The following NLRP1 variants were observed in gnomAD, a reference collection of about 807,000 sequenced individuals.
The protein encoded by NLRP1 is NACHT, LRR and PYD domains-containing protein 1.
In NLRP1, 94 loss-of-function variants were observed where a neutral mutation model predicts 136.7. That is an observed-to-expected ratio of 0.69 (90% CI 0.58 to 0.82). The LOEUF (loss-of-function observed/expected upper bound fraction) is 0.82, where lower values mean the gene tolerates loss of function less well. Among genes scored for constraint, NLRP1 ranks in the 40% least tolerant of loss-of-function variants. The probability of loss-of-function intolerance (pLI) is 0.00; values close to 1 mark genes in which losing one functional copy is unlikely to be tolerated. For missense variants in NLRP1, 1,575 were observed against 1,802.7 expected (o/e 0.87, Z 2.29); for synonymous variants, 690 against 725.1 (o/e 0.95, Z 0.78).
intron 5 of NLRP1, among the ~76,000 whole-genome samples, chr17:5,547,787 G>A (rs529950140): frequency 4.6e-5 from 7 of 152,284 alleles, no homozygotes; most frequent in South Asian, 4.1e-4. Context: ...GTCACAGCAC[G>A]AGGCTGGGCT....
chr17:5,510,484 C>T (rs961451308), downstream of NLRP1, among the ~76,000 whole-genome samples: 9 of 151,970 alleles, frequency 5.9e-5, no homozygotes, highest in Admixed American at 3.9e-4. Context: ...CTCAGCCTCC[C>T]GAGTAGCTGG....
rs200246406 is a variant in NLRP1 at position 5,501,760 on chromosome 17, G to T, written c.*54C>A. 1.8e-5 allele frequency: 27 copies of T among 1,485,434 alleles called. No homozygotes were observed. The Admixed American group carries it at 2.0e-4, about 11-fold the overall frequency. 92.0% of individuals were successfully genotyped at this position (1,485,434 alleles called of 1,614,324 possible). A position where few individuals can be genotyped will look rare whatever the true frequency, so the allele number is the denominator to read the frequency against. The stretch of plus-strand genomic sequence containing the variant: ...ACCTGCGGTCTACTCAGGCCTCCTT[G>T]TCATCCACCAAGCCCTCTCTGGCTT... On this transcript the variant is annotated 3_prime_UTR_variant, in exon 16 of 16. Transcript: ENST00000262467.
intron 12 of NLRP1, among the ~76,000 whole-genome samples, chr17:5,524,203 T>C (rs573012649): frequency 9.6e-4 from 146 of 152,240 alleles, no homozygotes; most frequent in Non-Finnish European, 1.7e-3. Context: ...ATAACTATTC[T>C]TAGCATGGGA....
intron 6 of NLRP1, 91 bp from the exon 7 acceptor site, chr17:5,539,676 T>C: frequency 7.0e-7 from 1 of 1,427,820 alleles, no homozygotes; most frequent in East Asian, 2.6e-5. Context: ...TCAGCATCTG[T>C]GGCCTTTTGA....
At position 5,553,527 on chromosome 17, in the gene NLRP1, T is replaced by C. The variant is rs1913640508; in HGVS notation, c.2387A>G (p.Tyr796Cys). Residue 796 changes from tyrosine to cysteine, a missense_variant, in exon 5 of 17, where the codon TAT becomes TGT. By Grantham distance (194) the Tyr-to-Cys change is radical. Transcript: ENST00000572272. ...GAGGACGGAGAAGAGAATCTGCCAA[T>C]AGGCATCTGTGACTGGGACCCACCT... ...LFRWVPVTDA[Y>C]WQILFSVLKV... 6.2e-7 allele frequency: 1 copy of C among 1,614,094 alleles called. No individual in the cohort carries two copies. Among genetic ancestry groups the C allele is most frequent in the South Asian group, 1.1e-5 (1 of 91,072 alleles).
chr17:5,555,654 T>C (rs1235438040), intron 4 of NLRP1, among the ~76,000 whole-genome samples: 2 of 152,138 alleles, frequency 1.3e-5, no homozygotes, highest in African/African-American at 4.8e-5. Context: ...TCCAGGTCCT[T>C]TAAAGCCTAC....
intron 3 of NLRP1, among the ~76,000 whole-genome samples, chr17:5,560,931 A>G (rs752135244): frequency 1.4e-4 from 21 of 152,246 alleles, no homozygotes; most frequent in Non-Finnish European, 2.8e-4. Flanking sequence ...ATTGTTTCCC[A>G]GGGAGGGACC....
In NLRP1 at chr17:5,574,160, G is replaced by A. The variant is rs372639878; in HGVS notation, c.652+7699C>T. 1.2e-4 allele frequency among the ~76,000 whole-genome samples: 19 copies of A among 152,332 alleles called. No homozygotes were observed. The East Asian group carries it at 2.1e-3, about 17-fold the overall frequency. ...ATGGCACGAGAACTACGTGAAGAAT[G>A]CACAAGCTTCAGTAGCCAATTCGAT... On this transcript the variant is annotated intron_variant, in intron 3 of 16. Coordinates refer to ENST00000572272, the MANE Select transcript of NLRP1 (RefSeq NM_033004.4).
intron 8 of NLRP1, among the ~76,000 whole-genome samples, chr17:5,535,841 G>C (rs1910975590): frequency 6.6e-6 from 1 of 152,226 alleles, no homozygotes; most frequent in Non-Finnish European, 1.5e-5. Context: ...GAATGTGGGA[G>C]CTGCAGCAGA....
chr17:5,535,181 T>C (rs111957851), intron 8 of NLRP1, among the ~76,000 whole-genome samples: 8,460 of 151,812 alleles, frequency 0.056, 273 homozygotes, highest in Middle Eastern at 0.092. Context: ...GATCATGCCA[T>C]TGCACTCCAG....
At chr17:5,547,099 C>G (rs1912753980) in intron 5 of NLRP1, among the ~76,000 whole-genome samples, 2 of 152,140 alleles carry the variant, frequency 1.3e-5, no homozygotes, top group South Asian at 4.1e-4. Context: ...CTTAGGACAA[C>G]TTAGGCACTA....
chr17:5,554,834 C>G (rs113218987), intron 4 of NLRP1, among the ~76,000 whole-genome samples: 1 of 152,018 alleles, frequency 6.6e-6, no homozygotes, highest in African/African-American at 2.4e-5. Context: ...CCAGCCTGGG[C>G]AACATAGTAA....
At chr17:5,526,267 T>A (rs1388337175) in intron 12 of NLRP1, among the ~76,000 whole-genome samples, 1 of 152,190 alleles carries the variant, frequency 6.6e-6, no homozygotes, top group Non-Finnish European at 1.5e-5. Flanking sequence ...TGTGAGCCAC[T>A]GCACCCAGCC....
intron 15 of NLRP1, chr17:5,502,238 G>A: frequency 4.2e-6 from 1 of 235,512 alleles, no homozygotes; most frequent in Non-Finnish European, 8.7e-6. Context: ...GGCTGGATGA[G>A]GAGAAGATGG....
At chr17:5,582,464 C>A (rs960121149) in intron 2 of NLRP1, among the ~76,000 whole-genome samples, 2 of 152,170 alleles carry the variant, frequency 1.3e-5, no homozygotes, top group Non-Finnish European at 2.9e-5. Context: ...CCATCTGCCA[C>A]ATGGGGAGGG....
intron 14 of NLRP1, chr17:5,518,148 A>C (rs1597394035): frequency 3.1e-6 from 1 of 324,802 alleles, no homozygotes; most frequent in East Asian, 5.8e-5. Flanking sequence ...TTCTTCCTTC[A>C]CCTCCCCCAT....
At chr17:5,543,675 G>C (rs1057471569) in intron 5 of NLRP1, among the ~76,000 whole-genome samples, 4 of 149,308 alleles carry the variant, frequency 2.7e-5, no homozygotes, top group Non-Finnish European at 4.5e-5. Context: ...AAAAAAAAAT[G>C]CAAGATCCCT....
chr17:5,559,742 A>T lies in NLRP1; in HGVS notation c.954T>A (p.Phe318Leu). 2 of 1,614,252 alleles carry T rather than the reference A, an allele frequency of 1.2e-6. No individual in the cohort carries two copies. Among genetic ancestry groups the T allele is most frequent in the Non-Finnish European group, 1.7e-6 (2 of 1,180,046 alleles). The change falls in exon 4 of 17, where the codon TTT (phenylalanine) becomes TTA (leucine). Residue 318 changes from phenylalanine (F) to leucine (L), a missense_variant. Coordinates refer to ENST00000572272, the MANE Select transcript of NLRP1 (RefSeq NM_033004.4). The part of the protein sequence containing the change: ...RGHLIEIRDL[F>L]GPGLDTQEPR... Reference sequence around the variant, plus strand: ...GTTCTTGGGTATCCAGGCCTGGGCCAAATAAGTCTCTGATCTCAATTAAAT... The same window carrying T: ...GTTCTTGGGTATCCAGGCCTGGGCCTAATAAGTCTCTGATCTCAATTAAAT...
chr17:5,527,660 T>C (rs1567637309), intron 12 of NLRP1, among the ~76,000 whole-genome samples: 1 of 152,330 alleles, frequency 6.6e-6, no homozygotes, highest in East Asian at 1.9e-4. Context: ...CGGAACTACC[T>C]TGCATGGTTC....
Sources: gnomAD v4.1 joint callset for allele counts (sites outside exome capture counted in the v4.1 genomes callset) on GRCh38, gnomAD v4.1.1 for gene constraint, MANE v1.5 for transcripts, NCBI Gene and HGNC (gene_info 2026-07-23, HGNC 2026-07-21) for gene names.